Variants in RASGRP1 observed in about 807,000 individuals in gnomAD.
RASGRP1 encodes RAS guanyl-releasing protein 1.
In RASGRP1, 37 loss-of-function variants were observed where a neutral mutation model predicts 95.1. The observed-to-expected ratio is 0.39, with a 90% confidence interval of 0.30 to 0.51. RASGRP1 has a LOEUF of 0.51. Among genes scored for constraint, RASGRP1 ranks in the 20% least tolerant of loss-of-function variants. RASGRP1 has a pLI of 0.80. For synonymous variants in RASGRP1, 325 were observed against 353.4 expected, an observed-to-expected ratio of 0.92 and a Z score of 0.90; for missense variants, 711 against 965.4, an observed-to-expected ratio of 0.74 and a Z score of 3.49.
At chr15:38,523,735 A>G (rs1404437278) in intron 3 of RASGRP1, among the ~76,000 whole-genome samples, 2 of 152,106 alleles carry the variant, frequency 1.3e-5, no homozygotes, top group African/African-American at 2.4e-5. Flanking sequence ...TTTTTACTGT[A>G]CTTTTTCTAT....
At chr15:38,523,846 C>G (rs982451926) in intron 3 of RASGRP1, among the ~76,000 whole-genome samples, 4 of 152,138 alleles carry the variant, frequency 2.6e-5, no homozygotes, top group African/African-American at 4.8e-5. Flanking sequence ...CAGGCTGTAC[C>G]GTCTAGCCTA....
intron 3 of RASGRP1, among the ~76,000 whole-genome samples, chr15:38,521,045 T>C (rs1891982341): frequency 6.6e-6 from 1 of 152,076 alleles, no homozygotes; most frequent in Admixed American, 6.6e-5. Context: ...GTAATTGACA[T>C]AAAAATAAGT....
At chr15:38,494,165 C>T (rs892754650) in intron 16 of RASGRP1, among the ~76,000 whole-genome samples, 32 of 152,128 alleles carry the variant, frequency 2.1e-4, no homozygotes, top group Admixed American at 2.1e-3. Context: ...AACCAAGGCC[C>T]CCAGTGGGTT....
chr15:38,546,079 C>T (rs936444714), intron 2 of RASGRP1, among the ~76,000 whole-genome samples: 10 of 152,154 alleles, frequency 6.6e-5, no homozygotes, highest in Non-Finnish European at 1.0e-4. Flanking sequence ...TTTGGATCCT[C>T]TGGCAAGCTG....
At chr15:38,550,363 A>G (rs776585074) in intron 2 of RASGRP1, among the ~76,000 whole-genome samples, 4 of 152,162 alleles carry the variant, frequency 2.6e-5, no homozygotes, top group Non-Finnish European at 4.4e-5. Flanking sequence ...CTGTAATACA[A>G]AATAAAAAAA....
At chr15:38,512,286 T>A (rs574637138) in intron 7 of RASGRP1, among the ~76,000 whole-genome samples, 29 of 152,342 alleles carry the variant, frequency 1.9e-4, no homozygotes, top group South Asian at 4.1e-4. Flanking sequence ...GGACAGTAAC[T>A]GGGACAGAGA....
In RASGRP1 at chr15:38,494,378, G is replaced by A. The variant is rs1396537145; in HGVS notation, c.2259+4C>T. 1 of 1,613,736 alleles carries A rather than the reference G, an allele frequency of 6.2e-7. No individual in the cohort carries two copies. Among genetic ancestry groups the A allele is most frequent in the Non-Finnish European group, 8.5e-7 (1 of 1,179,836 alleles). Reference sequence around the variant, plus strand: ...GAAAAAAAGGAAAATGAAAAGGAAGGTACCTGTTCCAGTTCTTGGTAGGTA... The same window carrying A: ...GAAAAAAAGGAAAATGAAAAGGAAGATACCTGTTCCAGTTCTTGGTAGGTA... On this transcript the variant is annotated splice_donor_region_variant and intron_variant, in intron 16 of 16. Coordinates refer to ENST00000310803, the MANE Select transcript of RASGRP1 (RefSeq NM_005739.4).
chr15:38,519,210 G>C, intron 4 of RASGRP1, 99 bp downstream of exon 4: 1 of 907,376 alleles, frequency 1.1e-6, no homozygotes, highest in Non-Finnish European at 1.7e-6. Flanking sequence ...TCTGTCCAAA[G>C]GTGTTCTATA....
chr15:38,500,045 A>G, intron 14 of RASGRP1, 58 bp downstream of exon 14: 2 of 1,559,076 alleles, frequency 1.3e-6, no homozygotes, highest in Non-Finnish European at 1.8e-6. Context: ...GCAGTTCTCT[A>G]TAGCAGCGTG....
intron 8 of RASGRP1, among the ~76,000 whole-genome samples, chr15:38,509,658 G>A (rs781627056): frequency 1.9e-4 from 29 of 152,182 alleles, no homozygotes; most frequent in Non-Finnish European, 3.2e-4. Context: ...CCTGGGAGGC[G>A]GAGATTCCAG....
chr15:38,549,646 CCTGCTTCCCTCTTCCCCT>C (rs528157933), intron 2 of RASGRP1, among the ~76,000 whole-genome samples: 1 of 88,708 alleles, frequency 1.1e-5, no homozygotes, highest in South Asian at 3.2e-4. Flanking sequence ...ACCGGCAATC[CCTGCTTCCCTCTTCCCCT>C]CTGCTTCCCT....
chr15:38,519,234 G>A, intron 4 of RASGRP1, 75 bp downstream of exon 4: 19 of 1,262,794 alleles, frequency 1.5e-5, no homozygotes, highest in Non-Finnish European at 1.9e-5. Context: ...GTCAGGAAAG[G>A]CAGGGAAAGT....
At chr15:38,530,242 T>C (rs1419050528) in intron 2 of RASGRP1, among the ~76,000 whole-genome samples, 1 of 152,166 alleles carries the variant, frequency 6.6e-6, no homozygotes, top group Non-Finnish European at 1.5e-5. Context: ...TATCTCATGA[T>C]GATGGCAGAA....
chr15:38,499,161 G>A, intron 14 of RASGRP1: 1 of 702,120 alleles, frequency 1.4e-6, no homozygotes, highest in South Asian at 1.5e-5. Context: ...GTGAATCTCA[G>A]CATCAGAAGC....
chr15:38,533,642 C>T lies in RASGRP1; in HGVS notation c.221-7238G>A, dbSNP rs574469474. Among the ~76,000 whole-genome samples, 7 of 152,306 alleles carry T rather than the reference C, an allele frequency of 4.6e-5. No individual in the cohort carries two copies. The East Asian group carries it at 1.4e-3, about 29-fold the overall frequency. ...CGTCTATGACCTGAGCCACTTCATA[C>T]ATATCACCAAGGCCACTTTGGTCTC... is the stretch of plus-strand genomic sequence containing the variant. On this transcript the variant is annotated intron_variant, in intron 2 of 16. Transcript: ENST00000310803.
At chr15:38,563,876 T>C (rs142104936) in intron 1 of RASGRP1, among the ~76,000 whole-genome samples, 14 of 152,312 alleles carry the variant, frequency 9.2e-5, no homozygotes, top group African/African-American at 3.4e-4. Context: ...AGTGCACAAC[T>C]TGTCCAGCCC....
intron 15 of RASGRP1, among the ~76,000 whole-genome samples, chr15:38,497,117 C>T (rs1219972484): frequency 6.6e-6 from 1 of 152,084 alleles, no homozygotes; most frequent in Non-Finnish European, 1.5e-5. Context: ...CTGGCACTAA[C>T]CTAATAAGCA....
At chr15:38,505,614 C>CA (rs35568534) in intron 10 of RASGRP1, among the ~76,000 whole-genome samples, 28,279 of 152,182 alleles carry the variant, frequency 0.19, 3,060 homozygotes, top group Non-Finnish European at 0.25. Context: ...TCACTGGTCA[C>CA]ACATTAGGCT....
intron 3 of RASGRP1, among the ~76,000 whole-genome samples, chr15:38,520,669 T>TA (rs1278738116): frequency 2.0e-5 from 3 of 152,090 alleles, no homozygotes; most frequent in Non-Finnish European, 2.9e-5. Flanking sequence ...ATTAGAGTTA[T>TA]AAAAAACTAT....
Sources: gnomAD v4.1 joint callset for allele counts (sites outside exome capture counted in the v4.1 genomes callset) on GRCh38, gnomAD v4.1.1 for gene constraint, MANE v1.5 for transcripts, NCBI Gene and HGNC (gene_info 2026-07-23, HGNC 2026-07-21) for gene names.